Variants in AKT3 observed in about 807,000 individuals in gnomAD.
AKT3 encodes the protein AKT serine/threonine kinase 3.
Under a neutral mutation model 65.3 loss-of-function variants are expected in AKT3, and 15 were observed. The observed-to-expected ratio is 0.23, with a 90% CI of 0.15 to 0.35. The LOEUF is 0.35. Ranked by LOEUF, AKT3 falls within the 10% of genes least tolerant of loss-of-function variation. The pLI is 1.00. For missense variants in AKT3, 243 were observed against 576.5 expected (o/e 0.42, Z 5.92); for synonymous variants, 206 against 183.8 (o/e 1.12, Z -0.98).
rs553526196 is a variant in AKT3, at chr1:243,583,311, T to C, written c.697-10263A>G. On this transcript the variant is annotated intron_variant, in intron 8 of 13. Coordinates refer to ENST00000673466, the MANE Select transcript of AKT3 (RefSeq NM_005465.7). ...GTACTACTAGATCTACAAAAAGACATAGACAGCAACACAATAATAGTGGGG... is the reference window on the plus strand; with the variant it reads ...GTACTACTAGATCTACAAAAAGACACAGACAGCAACACAATAATAGTGGGG... Among the ~76,000 whole-genome samples the C allele has an allele frequency of 1.6e-3, 243 of 149,218 alleles. 2 individuals carry two copies. The highest frequency in any genetic ancestry group is 5.4e-3 in the African/African-American group (219 of 40,680).
intron 2 of AKT3, among the ~76,000 whole-genome samples, chr1:243,780,189 TGAA>T (rs1558803872): frequency 1.3e-5 from 2 of 152,136 alleles, no homozygotes; most frequent in East Asian, 1.9e-4. Context: ...AACTTTATAA[TGAA>T]GAAGAAAGTT....
At chr1:243,520,498 C>A (rs1670655441) in intron 12 of AKT3, among the ~76,000 whole-genome samples, 1 of 152,176 alleles carries the variant, frequency 6.6e-6, no homozygotes, top group Non-Finnish European at 1.5e-5. Flanking sequence ...TTTCCTCTAA[C>A]CACATCTCTC....
intron 6 of AKT3, among the ~76,000 whole-genome samples, chr1:243,624,121 G>A (rs1462791717): frequency 6.6e-6 from 1 of 152,154 alleles, no homozygotes; most frequent in Non-Finnish European, 1.5e-5. Flanking sequence ...ACTCATTAAA[G>A]CATGGCAAAA....
At chr1:243,535,771 T>C (rs1187609076) in intron 12 of AKT3, among the ~76,000 whole-genome samples, 1 of 152,232 alleles carries the variant, frequency 6.6e-6, no homozygotes, top group Non-Finnish European at 1.5e-5. Flanking sequence ...ATGGTACATC[T>C]ACTAGTAGTT....
intron 2 of AKT3, among the ~76,000 whole-genome samples, chr1:243,834,521 T>A (rs577604596): frequency 6.6e-6 from 1 of 152,112 alleles, no homozygotes; most frequent in Admixed American, 6.5e-5. Flanking sequence ...TGTGTACACA[T>A]TGAGTACACA....
chr1:243,841,458 A>G (rs1695235589), intron 2 of AKT3, among the ~76,000 whole-genome samples: 1 of 152,184 alleles, frequency 6.6e-6, no homozygotes, highest in African/African-American at 2.4e-5. Context: ...AGAATAATAT[A>G]AATACGTTTA....
intron 13 of AKT3, 79 bp downstream of exon 13, chr1:243,512,245 T>A (rs1670062032): frequency 1.3e-6 from 1 of 759,540 alleles, no homozygotes; most frequent in Non-Finnish European, 2.0e-6. Context: ...TCAGATGAGT[T>A]TTTAAAAGAC....
At chr1:243,840,136 A>G (rs947839555) in intron 2 of AKT3, among the ~76,000 whole-genome samples, 5 of 152,210 alleles carry the variant, frequency 3.3e-5, no homozygotes, top group Non-Finnish European at 7.3e-5. Flanking sequence ...ATGCCACTGC[A>G]TTCCAGCCTG....
chr1:243,676,422 T>C (rs544517903), intron 3 of AKT3, among the ~76,000 whole-genome samples: 7 of 152,160 alleles, frequency 4.6e-5, no homozygotes, highest in Non-Finnish European at 8.8e-5. Context: ...GATTTAATTA[T>C]AGATAGGCTC....
intron 8 of AKT3, among the ~76,000 whole-genome samples, chr1:243,587,479 G>C (rs1675895782): frequency 2.6e-5 from 4 of 152,026 alleles, no homozygotes; most frequent in African/African-American, 9.7e-5. Context: ...GGGCATGGTG[G>C]CGGGCGCTGT....
In AKT3 at chr1:243,687,903, G is replaced by C. The variant is rs115926552; in HGVS notation, c.172+7688C>G. On this transcript the variant is annotated intron_variant, in intron 3 of 13. Transcript: ENST00000673466. ...AAAATAGAAGCGAGAAGCAAAATTT[G>C]ATTAAATTTACGGTAATTCACTTCT... 518 of 152,170 alleles carry C rather than the reference G, an allele frequency of 3.4e-3. 4 individuals carry two copies. Among genetic ancestry groups the C allele is most frequent in the African/African-American group, 0.012 (490 of 41,524 alleles). The allele number at this position is 152,170 out of a possible 1,614,324, so 9.4% of individuals were successfully genotyped here. A position where few individuals can be genotyped will look rare whatever the true frequency, so the allele number is the denominator to read the frequency against.
At chr1:243,780,321 T>C (rs1690825488) in intron 2 of AKT3, among the ~76,000 whole-genome samples, 1 of 152,070 alleles carries the variant, frequency 6.6e-6, no homozygotes, top group African/African-American at 2.4e-5. Context: ...ATTCAACATA[T>C]GATTCAAGAT....
intron 12 of AKT3, among the ~76,000 whole-genome samples, chr1:243,514,583 AAATAT>A (rs1670225811): frequency 2.0e-5 from 3 of 152,216 alleles, no homozygotes; most frequent in Admixed American, 1.3e-4. Flanking sequence ...ATCACCAATA[AAATAT>A]AAGTTCCACG....
intron 11 of AKT3, among the ~76,000 whole-genome samples, chr1:243,552,181 C>T (rs910933784): frequency 2.8e-5 from 4 of 140,630 alleles, no homozygotes; most frequent in Non-Finnish European, 6.0e-5. Flanking sequence ...CCCAGCCACT[C>T]GGGAGGCTGA....
At chr1:243,646,077 T>A (rs1456108612) in intron 4 of AKT3, 40 bp from the exon 5 acceptor site, 3 of 1,489,096 alleles carry the variant, frequency 2.0e-6, no homozygotes, top group Non-Finnish European at 2.7e-6. Context: ...TAGAAGATGG[T>A]AAATGATTTA....
chr1:243,581,674 C>T (rs1675367610), intron 8 of AKT3, among the ~76,000 whole-genome samples: 1 of 151,932 alleles, frequency 6.6e-6, no homozygotes, highest in South Asian at 2.1e-4. Flanking sequence ...AGAATTCCAG[C>T]ACTATGAAAA....
chr1:243,608,216 C>T (rs189697336), intron 8 of AKT3, among the ~76,000 whole-genome samples: 16 of 152,200 alleles, frequency 1.1e-4, no homozygotes, highest in Admixed American at 9.2e-4. Flanking sequence ...TTTGTCTTAT[C>T]GGACTACCAT....
intron 2 of AKT3, among the ~76,000 whole-genome samples, chr1:243,719,202 G>C (rs905366611): frequency 6.6e-6 from 1 of 152,070 alleles, no homozygotes; most frequent in Non-Finnish European, 1.5e-5. Flanking sequence ...TAAAAAAACC[G>C]ATAGTGTTTA....
intron 9 of AKT3, 121 bp from the exon 10 acceptor site, chr1:243,563,969 A>AT (rs1673978086): frequency 6.7e-6 from 6 of 890,334 alleles, no homozygotes; most frequent in Non-Finnish European, 9.7e-6. Flanking sequence ...GTTGTAGCTA[A>AT]TAGAACGCTC....
Sources: gnomAD v4.1 joint callset for allele counts (sites outside exome capture counted in the v4.1 genomes callset) on GRCh38, gnomAD v4.1.1 for gene constraint, MANE v1.5 for transcripts, NCBI Gene and HGNC (gene_info 2026-07-23, HGNC 2026-07-21) for gene names.